The following E2F7 variants were observed in gnomAD, a reference collection of about 807,000 sequenced individuals.
E2F7 encodes transcription factor E2F7.
E2F7 carries 35 observed loss-of-function variants against 81.1 expected under a neutral mutation model. That is an observed-to-expected ratio of 0.43 (90% confidence interval 0.33 to 0.57). The LOEUF is 0.57. E2F7 is among the 20% of genes least tolerant of loss of function. E2F7 has a pLI of 0.04. For missense variants in E2F7, 961 were observed against 1,093.7 expected (o/e 0.88, Z 1.71); for synonymous variants, 416 against 416.2 (o/e 1.00, Z 0.01).
intron 12 of E2F7, 56 bp from the exon 13 acceptor site, chr12:77,024,241 A>C (rs770477145): frequency 6.4e-7 from 1 of 1,552,012 alleles, no homozygotes; most frequent in Non-Finnish European, 8.7e-7. Flanking sequence ...CTGATCTCTG[A>C]GTAGAAAGGC....
Position 77,024,136 on chromosome 12 carries a change from G to A in E2F7, c.2615C>T (p.Thr872Met), listed in dbSNP as rs767400967. Residue 872 changes from threonine (T) to methionine (M), a missense_variant, in exon 13 of 13, where the codon ACG becomes ATG. Physicochemically the swap from Thr to Met is moderately conservative, Grantham distance 81. Coordinates refer to ENST00000322886, the MANE Select transcript of E2F7 (RefSeq NM_203394.3). ...AAGGCTGCCGGGTGTCTTGAAAAAC[G>A]TCTCACGATGTGTGCGTTGGATGCT... ...PKSIQRTHRE[T>M]FFKTPGSLGD... 4 of 1,613,948 alleles carry A rather than the reference G, an allele frequency of 2.5e-6. No homozygotes were observed. Among genetic ancestry groups the A allele is most frequent in the Non-Finnish European group, 1.7e-6 (2 of 1,179,978 alleles).
At chr12:77,037,907 CCAGA>C (rs1954865055) in intron 7 of E2F7, among the ~76,000 whole-genome samples, 1 of 152,034 alleles carries the variant, frequency 6.6e-6, no homozygotes, top group Non-Finnish European at 1.5e-5. Context: ...ATACTGCCCA[CCAGA>C]CACTCACATT....
chr12:77,028,218 A>C, intron 10 of E2F7, 80 bp from the exon 11 acceptor site: 1 of 1,507,112 alleles, frequency 6.6e-7, no homozygotes, highest in South Asian at 1.3e-5. Context: ...TTTGAGATGG[A>C]GTCTCACTCT....
At position 77,033,076 on chromosome 12, in the gene E2F7, A is replaced by G. The variant is rs1199042523; in HGVS notation, c.1356T>C (p.Tyr452=). Residue 452 remains tyrosine, a synonymous_variant, in exon 9 of 13, where the codon TAT becomes TAC. Coordinates refer to ENST00000322886, the MANE Select transcript of E2F7 (RefSeq NM_203394.3). ...GTGAATTGTCTTCTATTTTCTGTCT[A>G]TAGACAGCTGCCAGGCTTCCAATTT... ...SLEIGSLAAV[Y]RQKIEDNSQG... is the part of the protein sequence containing the mutation. 1.8e-5 allele frequency: 29 copies of G among 1,613,768 alleles called. No individual in the cohort carries two copies. Among genetic ancestry groups the G allele is most frequent in the Non-Finnish European group, 2.3e-5 (27 of 1,179,968 alleles).
At position 77,056,083 on chromosome 12, in the gene E2F7, T is replaced by C; in HGVS notation, c.141A>G (p.Ile47Met). 6.2e-7 allele frequency: 1 copy of C among 1,614,060 alleles called. No individual in the cohort carries two copies. Among genetic ancestry groups the C allele is most frequent in the East Asian group, 2.2e-5 (1 of 44,888 alleles). Residue 47 changes from isoleucine (I) to methionine (M), a missense_variant, in exon 3 of 13, where the codon ATA (isoleucine) becomes ATG (methionine). This residue lies in a region of E2F7 where 73 missense variants were observed against 68.4 expected (regional missense o/e 1.07). Coordinates refer to ENST00000322886, the MANE Select transcript of E2F7 (RefSeq NM_203394.3). Reference protein sequence around the residue: ...DRSRMAPKTPIKNEPIDLSKQ... With the variant: ...DRSRMAPKTPMKNEPIDLSKQ... ...TCGATAAATCAATTGGTTCATTTTTTATTGGAGTCTTCGGGGCCATCCTTG... is the reference window on the plus strand; with the variant it reads ...TCGATAAATCAATTGGTTCATTTTTCATTGGAGTCTTCGGGGCCATCCTTG...
intron 7 of E2F7, among the ~76,000 whole-genome samples, chr12:77,042,011 A>G (rs7314493): frequency 0.25 from 38,549 of 152,192 alleles, 5,423 homozygotes; most frequent in East Asian, 0.32. Flanking sequence ...GCTCTGGGCT[A>G]TCAGGAAAAC....
At chr12:77,031,589 T>G (rs568915493) in intron 9 of E2F7, among the ~76,000 whole-genome samples, 1 of 152,116 alleles carries the variant, frequency 6.6e-6, no homozygotes, top group African/African-American at 2.4e-5. Context: ...TGCAGTGAGC[T>G]GAGATCATGC....
At position 77,029,880 on chromosome 12, in the gene E2F7, C is replaced by G; in HGVS notation, c.1835G>C (p.Arg612Thr). ...GCCGTCTTCATATTCCCTACTTTGC[C>G]TTTTAGTGGCTGGCTCATCCTCCTC... ...PQEEDEPATK[R>T]QSREYEDGPL... is the part of the protein sequence containing the mutation. Residue 612 changes from arginine (R) to threonine (T), a missense_variant, in exon 10 of 13, where the codon AGG becomes ACG. Coordinates refer to ENST00000322886, the MANE Select transcript of E2F7 (RefSeq NM_203394.3). 2 of 1,614,252 alleles carry G rather than the reference C, an allele frequency of 1.2e-6. No homozygotes were observed. Among genetic ancestry groups the G allele is most frequent in the Non-Finnish European group, 1.7e-6 (2 of 1,180,042 alleles).
chr12:77,029,646 CCTTT>C (rs1319016141), intron 10 of E2F7, among the ~76,000 whole-genome samples, 181 bp downstream of exon 10: 2 of 152,224 alleles, frequency 1.3e-5, no homozygotes, highest in Non-Finnish European at 2.9e-5. Flanking sequence ...ATAAAAATCA[CCTTT>C]CTTATGCACT....
chr12:77,053,312 A>G (rs1955005187), intron 3 of E2F7, among the ~76,000 whole-genome samples: 1 of 152,192 alleles, frequency 6.6e-6, no homozygotes. Context: ...TTTTGTGAGA[A>G]AGGGGCATTT....
In E2F7 at chr12:77,065,422, G is replaced by A. The variant is rs924131371; in HGVS notation, c.-78C>T. The A allele has an allele frequency of 6.5e-6, 1 of 152,890 alleles. No individual in the cohort carries two copies. Among genetic ancestry groups the A allele is most frequent in the East Asian group, 1.9e-4 (1 of 5,198 alleles). The allele number at this position is 152,890 out of a possible 1,614,324, so 9.5% of individuals were successfully genotyped here. A position where few individuals can be genotyped will look rare whatever the true frequency, so the allele number is the denominator to read the frequency against. ...AGCCGATGAGGGAAGGTGGTGCGGC[G>A]ATCAGCAGCCGGGCGGCGGCATCGG... On this transcript the variant is annotated 5_prime_UTR_variant, in exon 1 of 13. Transcript: ENST00000322886.
intron 7 of E2F7, among the ~76,000 whole-genome samples, chr12:77,042,576 GTCCATTACA>G (rs1280013579): frequency 6.6e-6 from 1 of 152,130 alleles, no homozygotes; most frequent in Non-Finnish European, 1.5e-5. Context: ...AATACAAAAA[GTCCATTACA>G]TCCATACTAT....
At chr12:77,026,399 C>A (rs945862196) in intron 11 of E2F7, among the ~76,000 whole-genome samples, 1 of 152,122 alleles carries the variant, frequency 6.6e-6, no homozygotes, top group African/African-American at 2.4e-5. Context: ...CCCTCCTGGG[C>A]TCAAGCAGTC....
At chr12:77,051,715 A>T (rs1161469829) in intron 3 of E2F7, among the ~76,000 whole-genome samples, 1 of 152,206 alleles carries the variant, frequency 6.6e-6, no homozygotes, top group Admixed American at 6.5e-5. Context: ...AACAGCAAAC[A>T]TCTATTTGTA....
intron 5 of E2F7, among the ~76,000 whole-genome samples, chr12:77,045,173 C>T (rs2120700101): frequency 6.6e-6 from 1 of 152,300 alleles, no homozygotes; most frequent in East Asian, 1.9e-4. Context: ...CCTCAACTCT[C>T]CTCTCAAAGG....
At chr12:77,061,671 G>A (rs1489705988) in intron 2 of E2F7, among the ~76,000 whole-genome samples, 2 of 152,202 alleles carry the variant, frequency 1.3e-5, no homozygotes, top group Admixed American at 6.5e-5. Flanking sequence ...AGTACTTACA[G>A]ACCTTGACCA....
intron 1 of E2F7, 39 bp downstream of exon 1, chr12:77,065,306 A>T (rs1301367613): frequency 2.0e-5 from 3 of 152,300 alleles, no homozygotes; most frequent in Non-Finnish European, 4.4e-5. Context: ...CTGTATCCCA[A>T]TTCCCGCCTC....
At chr12:77,064,494 C>T (rs375190290) in intron 2 of E2F7, 49 bp downstream of exon 2, 353 of 1,470,514 alleles carry the variant, frequency 2.4e-4, no homozygotes, top group Non-Finnish European at 2.8e-4. Context: ...TTGAATTCAA[C>T]ATCACCATCC....
chr12:77,040,257 A>T (rs1027308365), intron 7 of E2F7, among the ~76,000 whole-genome samples: 6 of 152,242 alleles, frequency 3.9e-5, no homozygotes, highest in African/African-American at 1.4e-4. Context: ...CAACGCTTAT[A>T]TAACACATGT....
Sources: allele counts gnomAD v4.1 joint callset (sites outside exome capture counted in the v4.1 genomes callset), GRCh38; gene constraint gnomAD v4.1.1; regional missense constraint gnomAD v4.1.1; transcripts MANE v1.5; gene names NCBI Gene and HGNC (gene_info 2026-07-23, HGNC 2026-07-21).